The following VWDE variants were observed in gnomAD, a reference collection of about 807,000 sequenced individuals.
VWDE encodes von Willebrand factor D and EGF domain-containing protein.
VWDE carries 207 observed loss-of-function variants against 178.4 expected under a neutral mutation model. That is an observed-to-expected ratio of 1.16 (90% CI 1.04 to 1.30). The LOEUF (loss-of-function observed/expected upper bound fraction) is 1.30. Among genes scored for constraint, VWDE ranks in the 50% most tolerant of loss-of-function variants. VWDE has a pLI of 0.00. For missense variants in VWDE, 2,287 were observed against 1,901.3 expected (o/e 1.20, Z -3.77); for synonymous variants, 738 against 651.4 (o/e 1.13, Z -2.02).
chr7:12,338,355 C>T (rs1239677984), intron 24 of VWDE, among the ~76,000 whole-genome samples: 2 of 151,598 alleles, frequency 1.3e-5, no homozygotes, highest in Non-Finnish European at 2.9e-5. Context: ...CTTACATTTT[C>T]TGCTCCCTAT....
Position 12,337,268 on chromosome 7 carries a change from G to A in VWDE, c.4371C>T (p.Phe1457=). The change falls in exon 25 of 29, where the codon TTC becomes TTT. Residue 1457 remains phenylalanine (F), a synonymous_variant. Transcript: ENST00000275358. ...GFFGEHCQNA[F]CHPPCKNGGH... Reference sequence around the variant, plus strand: ...CACCATTCTTACAGGGAGGGTGACAGAAAGCTAAAAGAACACATGGCAGCA... The same window carrying A: ...CACCATTCTTACAGGGAGGGTGACAAAAAGCTAAAAGAACACATGGCAGCA... 1 of 1,551,726 alleles carries A rather than the reference G, an allele frequency of 6.4e-7. No homozygotes were observed. The highest frequency in any genetic ancestry group is 8.7e-7 in the Non-Finnish European group (1 of 1,146,898).
chr7:12,377,015 C>A (rs765586273), intron 7 of VWDE, among the ~76,000 whole-genome samples: 3 of 151,862 alleles, frequency 2.0e-5, no homozygotes, highest in African/African-American at 4.8e-5. Flanking sequence ...ATGTAATGTT[C>A]TACGGTGAAA....
At chr7:12,333,743 C>A in intron 27 of VWDE, 175 bp from the exon 28 acceptor site, 1 of 421,698 alleles carries the variant, frequency 2.4e-6, no homozygotes, top group Non-Finnish European at 4.2e-6. Flanking sequence ...TCAGAGCACA[C>A]GCACACATCA....
intron 10 of VWDE, among the ~76,000 whole-genome samples, chr7:12,371,314 T>C (rs1417603729): frequency 2.0e-5 from 3 of 152,112 alleles, no homozygotes; most frequent in Admixed American, 1.3e-4. Flanking sequence ...TAGTTGCCAG[T>C]AGACAAACAG....
At chr7:12,378,114 C>T (rs1332082644) in intron 6 of VWDE, among the ~76,000 whole-genome samples, 194 bp from the exon 7 acceptor site, 1 of 152,146 alleles carries the variant, frequency 6.6e-6, no homozygotes, top group African/African-American at 2.4e-5. Context: ...GTACATGGAG[C>T]TGCTGTACTG....
chr7:12,380,003 C>T (rs890295289), intron 5 of VWDE, among the ~76,000 whole-genome samples: 3 of 151,590 alleles, frequency 2.0e-5, no homozygotes, highest in Non-Finnish European at 4.4e-5. Flanking sequence ...GAGGCTGAGG[C>T]AGGAGAATCG....
In VWDE at chr7:12,370,794, G is replaced by A. The variant is rs1487300519; in HGVS notation, c.1658C>T (p.Ala553Val). Residue 553 changes from alanine to valine, a missense_variant, in exon 11 of 29, where the codon GCC (alanine) becomes GTC (valine). Ala to Val is a moderately conservative substitution (Grantham distance 64). Transcript: ENST00000275358. ...GEWGMSLTIR[A>V]PSVDYRNTLG... ...AGTGTTTCTGTAATCTACACTAGGG[G>A]CTCTGATCGTTAGACTCATGCCCCA... The A allele has an allele frequency of 2.6e-6, 4 of 1,551,072 alleles. No individual in the cohort carries two copies. The East Asian group carries it at 9.8e-5, about 38-fold the overall frequency.
chr7:12,383,332 G>A (rs978629621), intron 4 of VWDE, among the ~76,000 whole-genome samples: 2 of 151,970 alleles, frequency 1.3e-5, no homozygotes, highest in African/African-American at 2.4e-5. Flanking sequence ...ATACACACAC[G>A]TTTGCCTAAC....
At chr7:12,331,512 A>AT (rs1420642206) in intron 28 of VWDE, among the ~76,000 whole-genome samples, 2 of 152,136 alleles carry the variant, frequency 1.3e-5, no homozygotes, top group African/African-American at 4.8e-5. Context: ...ACTGATACTC[A>AT]TAACACATTG....
chr7:12,343,104 C>A lies in VWDE; in HGVS notation c.4153G>T (p.Val1385Leu), dbSNP rs917546360. 4 of 1,549,522 alleles carry A rather than the reference C, an allele frequency of 2.6e-6. No individual in the cohort carries two copies. The highest frequency in any genetic ancestry group is 1.4e-5 in the African/African-American group (1 of 72,948). Residue 1385 changes from valine to leucine, a missense_variant, in exon 22 of 29, where the codon GTA becomes TTA. By Grantham distance (32) the Val-to-Leu change is conservative. Transcript: ENST00000275358. The part of the protein sequence containing the change: ...GNLCTCPYGF[V>L]GPRCETMVCN... ...TTACTTGTTTCACACCTTGGTCCTA[C>A]AAAACCATAAGGACAAGTGCAGAGA...
intron 3 of VWDE, among the ~76,000 whole-genome samples, chr7:12,386,554 G>C (rs915034367): frequency 6.6e-6 from 1 of 152,130 alleles, no homozygotes; most frequent in Admixed American, 6.6e-5. Flanking sequence ...ATTTCTGTCT[G>C]GCTTTCACTC....
At chr7:12,341,217 T>A (rs1781311852) in intron 23 of VWDE, among the ~76,000 whole-genome samples, 1 of 152,204 alleles carries the variant, frequency 6.6e-6, no homozygotes. Context: ...TTGTTTCCAT[T>A]TGCATCATGC....
chr7:12,333,598 T>C (rs1489413074), intron 27 of VWDE, 30 bp from the exon 28 acceptor site: 1 of 1,434,128 alleles, frequency 7.0e-7, no homozygotes, highest in Non-Finnish European at 9.6e-7. Flanking sequence ...ACAATGACCA[T>C]CCTTTGACAT....
At position 12,344,181 on chromosome 7, in the gene VWDE, AT is replaced by A; in HGVS notation, c.4078+13del. On this transcript the variant is annotated intron_variant, in intron 21 of 28. Transcript: ENST00000275358. ...TTTTAGGCCTTATATTTGATTTTTA[AT>A]TTGAATTATCACCTTCATCACAGGT... 6.5e-7 allele frequency: 1 copy of A among 1,548,860 alleles called. No homozygotes were observed. Among genetic ancestry groups the A allele is most frequent in the Non-Finnish European group, 8.7e-7 (1 of 1,145,078 alleles).
At chr7:12,393,924 C>G in intron 1 of VWDE, 146 bp from the exon 2 acceptor site, 1 of 575,510 alleles carries the variant, frequency 1.7e-6, no homozygotes, top group Non-Finnish European at 2.8e-6. Flanking sequence ...GTCAGGGTCT[C>G]TTAGTAAGTC....
intron 1 of VWDE, among the ~76,000 whole-genome samples, chr7:12,398,606 C>G (rs113607688): frequency 6.6e-6 from 1 of 152,152 alleles, no homozygotes; most frequent in Non-Finnish European, 1.5e-5. Context: ...ATAAAGCCCT[C>G]TTGCCTAGCA....
Position 12,393,664 on chromosome 7 carries a change from G to T in VWDE, c.173C>A (p.Ser58Tyr). 1 of 1,551,256 alleles carries T rather than the reference G, an allele frequency of 6.4e-7. No homozygotes were observed. The highest frequency in any genetic ancestry group is 8.7e-7 in the Non-Finnish European group (1 of 1,146,684). Residue 58 changes from serine (S) to tyrosine (Y), a missense_variant, in exon 2 of 29, where the codon TCC (serine) becomes TAC (tyrosine). Physicochemically the swap from Ser to Tyr is moderately radical, Grantham distance 144 (BLOSUM62 -2). Coordinates refer to ENST00000275358, the MANE Select transcript of VWDE (RefSeq NM_001135924.3). ...AAATCTATACCATCCAGGGGAGAGG[G>T]AATGGTCACATATTAGGTCTTGAAC... ...SAVQDLICDH[S>Y]LSPGWYRFLI...
Position 12,374,996 on chromosome 7 carries a change from T to C in VWDE, c.1242+14A>G. 6.5e-7 allele frequency: 1 copy of C among 1,547,962 alleles called. No individual in the cohort carries two copies. Among genetic ancestry groups the C allele is most frequent in the Non-Finnish European group, 8.7e-7 (1 of 1,143,884 alleles). ...AAAGCTTCACTTGCAGTATTAGTGT[T>C]GTAATTTGTCAACCTGGATGCTGTC... On this transcript the variant is annotated intron_variant, in intron 8 of 28. Coordinates refer to ENST00000275358, the MANE Select transcript of VWDE (RefSeq NM_001135924.3).
chr7:12,374,832 A>C (rs2128556808), intron 8 of VWDE, 70 bp from the exon 9 acceptor site: 1 of 1,161,340 alleles, frequency 8.6e-7, no homozygotes, highest in South Asian at 1.5e-5. Flanking sequence ...AAAATTGCTT[A>C]GCAATCTCAA....
Sources: allele counts gnomAD v4.1 joint callset (sites outside exome capture counted in the v4.1 genomes callset), GRCh38; gene constraint gnomAD v4.1.1; transcripts MANE v1.5; gene names NCBI Gene and HGNC (gene_info 2026-07-23, HGNC 2026-07-21).